Variants in TRHDE observed in about 807,000 individuals in gnomAD.
TRHDE encodes the protein thyrotropin releasing hormone degrading enzyme.
Under a neutral mutation model 125.7 loss-of-function variants are expected in TRHDE, and 72 were observed. That is an observed-to-expected ratio of 0.57 (90% CI 0.47 to 0.70). TRHDE has a LOEUF of 0.70. Ranked by LOEUF, TRHDE falls within the 30% of genes least tolerant of loss-of-function variation. TRHDE has a pLI of 0.00. For synonymous variants in TRHDE, 509 were observed against 509.1 expected (o/e 1.00, Z 0.00); for missense variants, 1,110 against 1,327.1 (o/e 0.84, Z 2.54).
At chr12:72,425,599 A>G (rs1874149578) in intron 3 of TRHDE, among the ~76,000 whole-genome samples, 1 of 152,104 alleles carries the variant, frequency 6.6e-6, no homozygotes, top group Non-Finnish European at 1.5e-5. Flanking sequence ...AGGATTGAAG[A>G]TAAGTGGAAA....
chr12:72,646,138 A>G (rs540762149), intron 15 of TRHDE, among the ~76,000 whole-genome samples: 1 of 152,258 alleles, frequency 6.6e-6, no homozygotes, highest in Admixed American at 6.5e-5. Flanking sequence ...AAATGACAAA[A>G]GTATTAAAAT....
intron 12 of TRHDE, among the ~76,000 whole-genome samples, chr12:72,583,286 CTTG>C (rs1871310859): frequency 6.6e-6 from 1 of 152,180 alleles, no homozygotes; most frequent in Non-Finnish European, 1.5e-5. Flanking sequence ...TTAAAATTAG[CTTG>C]TTGTTATCCT....
chr12:72,465,709 A>G (rs1876340143), intron 3 of TRHDE, among the ~76,000 whole-genome samples: 1 of 152,190 alleles, frequency 6.6e-6, no homozygotes, highest in South Asian at 2.1e-4. Context: ...TATGCTTGAT[A>G]TAGGTGCTCT....
chr12:72,222,131 A>G (rs1381272848), intron 2 of TRHDE, among the ~76,000 whole-genome samples: 1 of 152,128 alleles, frequency 6.6e-6, no homozygotes, highest in Non-Finnish European at 1.5e-5. Context: ...TGGAAGTCTC[A>G]CAGCATCATT....
chr12:72,619,740 C>A (rs958129737), intron 13 of TRHDE, among the ~76,000 whole-genome samples: 2 of 152,118 alleles, frequency 1.3e-5, no homozygotes, highest in African/African-American at 4.8e-5. Context: ...ACTGTGCCTT[C>A]CATGATGTTT....
At chr12:72,500,697 T>A (rs1311545074) in intron 6 of TRHDE, among the ~76,000 whole-genome samples, 3 of 152,094 alleles carry the variant, frequency 2.0e-5, no homozygotes, top group Non-Finnish European at 4.4e-5. Flanking sequence ...CAGCCTGGAA[T>A]ACTATTCTCG....
At chr12:72,233,409 T>A (rs543331593) in intron 2 of TRHDE, among the ~76,000 whole-genome samples, 2 of 152,280 alleles carry the variant, frequency 1.3e-5, no homozygotes, top group South Asian at 4.1e-4. Flanking sequence ...AATCATTTTA[T>A]CTGAACATTC....
chr12:72,379,073 T>A (rs1334042296), intron 3 of TRHDE, among the ~76,000 whole-genome samples: 1 of 152,208 alleles, frequency 6.6e-6, no homozygotes, highest in East Asian at 1.9e-4. Flanking sequence ...GTATTTCTCA[T>A]TGGCAAGAAT....
chr12:72,118,090 C>T (rs1175729125), intron 2 of TRHDE, among the ~76,000 whole-genome samples: 1 of 152,024 alleles, frequency 6.6e-6, no homozygotes, highest in African/African-American at 2.4e-5. Flanking sequence ...CTAGCTAGGA[C>T]TTCTAGTACT....
At chr12:72,507,531 A>C (rs949959674) in intron 6 of TRHDE, among the ~76,000 whole-genome samples, 6 of 152,208 alleles carry the variant, frequency 3.9e-5, no homozygotes, top group Non-Finnish European at 8.8e-5. Flanking sequence ...CAAGTCATTC[A>C]AGATGTAGCC....
At position 72,481,491 on chromosome 12, in the gene TRHDE, A is replaced by T. The variant is rs566045267; in HGVS notation, c.1584+8311A>T. Among the ~76,000 whole-genome samples the T allele has an allele frequency of 1.9e-4, 29 of 151,556 alleles. 1 individual carries two copies. The South Asian group carries it at 6.0e-3, about 31-fold the overall frequency. On this transcript the variant is annotated intron_variant, in intron 5 of 18. Transcript: ENST00000261180. ...TACTTTGTACCTCTCAACACTTTACATATATTAATTCACTGTGAAATAGAG... is the reference window on the plus strand; with the variant it reads ...TACTTTGTACCTCTCAACACTTTACTTATATTAATTCACTGTGAAATAGAG...
chr12:72,111,922 G>C (rs1200276444), intron 2 of TRHDE, among the ~76,000 whole-genome samples: 3 of 152,134 alleles, frequency 2.0e-5, no homozygotes, highest in South Asian at 4.2e-4. Context: ...AATCCCACTG[G>C]GTAGCACGTT....
At chr12:72,313,046 C>A (rs984103853) in intron 2 of TRHDE, among the ~76,000 whole-genome samples, 1 of 151,824 alleles carries the variant, frequency 6.6e-6, no homozygotes, top group African/African-American at 2.4e-5. Flanking sequence ...GTGATATAAG[C>A]CTTTATTTGG....
At chr12:72,564,360 C>CA (rs1489233075) in intron 9 of TRHDE, among the ~76,000 whole-genome samples, 2 of 152,086 alleles carry the variant, frequency 1.3e-5, no homozygotes, top group Non-Finnish European at 2.9e-5. Context: ...CTGGCCTTGC[C>CA]AGGAAGTACA....
chr12:72,351,135 A>G, intron 2 of TRHDE, among the ~76,000 whole-genome samples: 1 of 151,976 alleles, frequency 6.6e-6, no homozygotes, highest in Admixed American at 6.6e-5. Context: ...CACAAACTGC[A>G]ATAAATTCTT....
At chr12:72,374,958 C>T (rs1001345551) in intron 2 of TRHDE, among the ~76,000 whole-genome samples, 1 of 152,122 alleles carries the variant, frequency 6.6e-6, no homozygotes, top group African/African-American at 2.4e-5. Flanking sequence ...ATACAGGAAA[C>T]TCTTTCAAGG....
chr12:72,146,637 G>C (rs1876233340), intron 2 of TRHDE, among the ~76,000 whole-genome samples: 1 of 152,190 alleles, frequency 6.6e-6, no homozygotes, highest in South Asian at 2.1e-4. Context: ...AGGTGCAGAG[G>C]CCTCGGCAAG....
intron 2 of TRHDE, among the ~76,000 whole-genome samples, chr12:72,225,757 A>C (rs1878116611): frequency 6.6e-6 from 1 of 152,116 alleles, no homozygotes; most frequent in Non-Finnish European, 1.5e-5. Context: ...TGTGGTCCTG[A>C]AGTTTGAAGT....
At chr12:72,598,128 A>G (rs774262910) in intron 12 of TRHDE, among the ~76,000 whole-genome samples, 3 of 152,190 alleles carry the variant, frequency 2.0e-5, no homozygotes, top group Non-Finnish European at 2.9e-5. Flanking sequence ...CAAATGGTTT[A>G]TAGTTAGTAA....
Sources: allele counts gnomAD v4.1 joint callset (sites outside exome capture counted in the v4.1 genomes callset), GRCh38; gene constraint gnomAD v4.1.1; transcripts MANE v1.5; gene names NCBI Gene and HGNC (gene_info 2026-07-23, HGNC 2026-07-21).